The following ST6GALNAC3 variants were observed in gnomAD, a reference collection of about 807,000 sequenced individuals.
The protein encoded by ST6GALNAC3 is alpha-N-acetylgalactosaminide alpha-2,6-sialyltransferase 3.
Under a neutral mutation model 32.7 loss-of-function variants are expected in ST6GALNAC3, and 25 were observed. That is an observed-to-expected ratio of 0.76 (90% CI 0.56 to 1.07). The LOEUF (loss-of-function observed/expected upper bound fraction) is 1.07. ST6GALNAC3 is among the 50% of genes least tolerant of loss of function. The probability of loss-of-function intolerance (pLI) is 0.00; values close to 1 mark genes in which losing one functional copy is unlikely to be tolerated. For missense variants in ST6GALNAC3, 355 were observed against 382.4 expected (o/e 0.93, Z 0.60); for synonymous variants, 129 against 133.1 (o/e 0.97, Z 0.21).
At chr1:76,440,945 G>A (rs1306988004) in intron 3 of ST6GALNAC3, among the ~76,000 whole-genome samples, 1 of 151,954 alleles carries the variant, frequency 6.6e-6, no homozygotes, top group African/African-American at 2.4e-5. Context: ...AAAATTAGCT[G>A]GGCATGGTGG....
At chr1:76,520,205 A>G (rs1409592497) in intron 3 of ST6GALNAC3, among the ~76,000 whole-genome samples, 10 of 152,134 alleles carry the variant, frequency 6.6e-5, no homozygotes, top group Non-Finnish European at 1.0e-4. Context: ...TACTCAGCAC[A>G]AATGAGAAGT....
At chr1:76,319,271 A>G (rs1646923587) in intron 2 of ST6GALNAC3, among the ~76,000 whole-genome samples, 1 of 152,184 alleles carries the variant, frequency 6.6e-6, no homozygotes, top group Non-Finnish European at 1.5e-5. Context: ...GCCAGAACAC[A>G]GGAAGCAAGT....
chr1:76,135,767 A>G (rs1430330370), intron 1 of ST6GALNAC3, among the ~76,000 whole-genome samples: 1 of 152,042 alleles, frequency 6.6e-6, no homozygotes, highest in East Asian at 1.9e-4. Context: ...GCACACAGAC[A>G]TCAGGTAGAA....
At chr1:76,501,639 G>A (rs1467874811) in intron 3 of ST6GALNAC3, among the ~76,000 whole-genome samples, 1 of 152,126 alleles carries the variant, frequency 6.6e-6, no homozygotes, top group African/African-American at 2.4e-5. Flanking sequence ...AAGATAAAGA[G>A]GCAGGCTATC....
At chr1:76,355,745 A>G (rs988944721) in intron 2 of ST6GALNAC3, among the ~76,000 whole-genome samples, 1 of 152,138 alleles carries the variant, frequency 6.6e-6, no homozygotes, top group Non-Finnish European at 1.5e-5. Flanking sequence ...TTAAACTACA[A>G]GATTATTTTT....
chr1:76,554,640 A>G (rs985418614), intron 3 of ST6GALNAC3, among the ~76,000 whole-genome samples: 1 of 152,120 alleles, frequency 6.6e-6, no homozygotes, highest in South Asian at 2.1e-4. Flanking sequence ...CATTTGTTAT[A>G]TATAGTTTCC....
intron 3 of ST6GALNAC3, among the ~76,000 whole-genome samples, chr1:76,528,992 A>T (rs1053123622): frequency 6.6e-6 from 1 of 151,712 alleles, no homozygotes; most frequent in Non-Finnish European, 1.5e-5. Flanking sequence ...GAACACTGAC[A>T]ACTAGAAGCA....
chr1:76,434,910 C>A (rs1475740692), intron 3 of ST6GALNAC3, among the ~76,000 whole-genome samples: 1 of 151,154 alleles, frequency 6.6e-6, no homozygotes, highest in African/African-American at 2.4e-5. Context: ...CCTGCCTCAG[C>A]CTCTTGAGTA....
At chr1:76,250,305 G>C (rs1213764014) in intron 1 of ST6GALNAC3, among the ~76,000 whole-genome samples, 1 of 152,214 alleles carries the variant, frequency 6.6e-6, no homozygotes, top group African/African-American at 2.4e-5. Context: ...TAGCAAAGAA[G>C]TGTTAAAATC....
intron 3 of ST6GALNAC3, among the ~76,000 whole-genome samples, chr1:76,592,857 A>T (rs1239304501): frequency 6.6e-6 from 1 of 152,192 alleles, no homozygotes; most frequent in Non-Finnish European, 1.5e-5. Context: ...CGCAGAGGAG[A>T]GGATGTGTGC....
At chr1:76,462,234 G>A (rs1387651651) in intron 3 of ST6GALNAC3, among the ~76,000 whole-genome samples, 1 of 135,924 alleles carries the variant, frequency 7.4e-6, no homozygotes, top group Non-Finnish European at 1.5e-5. Context: ...GGAATTAATG[G>A]TAAAAAAAAA....
At chr1:76,460,243 C>A (rs983972435) in intron 3 of ST6GALNAC3, among the ~76,000 whole-genome samples, 4 of 152,042 alleles carry the variant, frequency 2.6e-5, no homozygotes, top group Non-Finnish European at 5.9e-5. Flanking sequence ...TGACATTGAG[C>A]ATTTTTTCAA....
chr1:76,172,879 A>G (rs950178783), intron 1 of ST6GALNAC3, among the ~76,000 whole-genome samples: 4 of 152,230 alleles, frequency 2.6e-5, no homozygotes, highest in African/African-American at 9.6e-5. Context: ...GTGGATAGGA[A>G]GAATTAATAT....
Position 76,352,109 on chromosome 1 carries a change from G to T in ST6GALNAC3, c.213+38110G>T, listed in dbSNP as rs114755378. 4.7e-3 allele frequency among the ~76,000 whole-genome samples: 721 copies of T among 152,208 alleles called. 4 individuals are homozygous for T. The highest frequency in any genetic ancestry group is 0.016 in the African/African-American group (682 of 41,550). ...CCTTAGAGGGACAATAATGAAAAAAGAAAAGGTTGAGAAAAATGTTATAAT... is the reference window on the plus strand; with the variant it reads ...CCTTAGAGGGACAATAATGAAAAAATAAAAGGTTGAGAAAAATGTTATAAT... On this transcript the variant is annotated intron_variant, in intron 2 of 4. Coordinates refer to ENST00000328299, the MANE Select transcript of ST6GALNAC3 (RefSeq NM_152996.4).
intron 1 of ST6GALNAC3, among the ~76,000 whole-genome samples, chr1:76,109,931 A>T (rs1647808075): frequency 6.6e-6 from 1 of 152,240 alleles, no homozygotes; most frequent in African/African-American, 2.4e-5. Flanking sequence ...CACTGGAAAA[A>T]AAAGACCAGA....
At chr1:76,332,000 G>A (rs748185098) in intron 2 of ST6GALNAC3, among the ~76,000 whole-genome samples, 8 of 152,144 alleles carry the variant, frequency 5.3e-5, no homozygotes, top group East Asian at 1.9e-4. Flanking sequence ...AGTTTGTGGC[G>A]TCCTGTTAAT....
chr1:76,219,459 T>C (rs1286104095), intron 1 of ST6GALNAC3, among the ~76,000 whole-genome samples: 2 of 152,204 alleles, frequency 1.3e-5, no homozygotes, highest in African/African-American at 4.8e-5. Context: ...CTCTGGGCTC[T>C]TAGATGTGAA....
chr1:76,563,111 GA>G, intron 3 of ST6GALNAC3, among the ~76,000 whole-genome samples: 2 of 152,266 alleles, frequency 1.3e-5, no homozygotes, highest in South Asian at 4.2e-4. Context: ...TTTCACTTAA[GA>G]TTCCCCTTAA....
intron 1 of ST6GALNAC3, among the ~76,000 whole-genome samples, chr1:76,172,333 T>C (rs1652571508): frequency 1.3e-5 from 2 of 152,186 alleles, no homozygotes; most frequent in African/African-American, 4.8e-5. Flanking sequence ...TGATGGAATA[T>C]ATCTCAAAAT....
Sources: gnomAD v4.1 joint callset for allele counts (sites outside exome capture counted in the v4.1 genomes callset) on GRCh38, gnomAD v4.1.1 for gene constraint, MANE v1.5 for transcripts, NCBI Gene and HGNC (gene_info 2026-07-23, HGNC 2026-07-21) for gene names.